Variants in DHX36 observed in about 807,000 individuals in gnomAD.
DHX36 encodes the protein ATP-dependent DNA/RNA helicase DHX36.
In DHX36, 50 loss-of-function variants were observed where a neutral mutation model predicts 139.0. The observed-to-expected ratio is 0.36, with a 90% confidence interval of 0.29 to 0.46. The LOEUF (loss-of-function observed/expected upper bound fraction) is 0.46, where lower values mean the gene tolerates loss of function less well. Ranked by LOEUF, DHX36 falls within the 20% of genes least tolerant of loss-of-function variation. DHX36 has a pLI of 1.00. For missense variants in DHX36, 1,024 were observed against 1,211.3 expected, an observed-to-expected ratio of 0.85 and a Z score of 2.29; for synonymous variants, 425 against 401.9, an observed-to-expected ratio of 1.06 and a Z score of -0.69.
intron 12 of DHX36, 104 bp downstream of exon 12, chr3:154,299,734 G>T (rs1173943144): frequency 4.9e-6 from 4 of 811,146 alleles, no homozygotes; most frequent in Non-Finnish European, 8.7e-6. Flanking sequence ...CTTCATCTGT[G>T]ACCTAGTAGA....
In DHX36 at chr3:154,277,737, T is replaced by C. The variant is rs200869923; in HGVS notation, c.2568-19A>G. 3.3e-3 allele frequency: 5,152 copies of C among 1,582,784 alleles called. 20 individuals carry two copies. The highest frequency in any genetic ancestry group is 3.9e-3 in the Non-Finnish European group (4,485 of 1,162,260). On this transcript the variant is annotated intron_variant, in intron 22 of 24. Coordinates refer to ENST00000496811, the MANE Select transcript of DHX36 (RefSeq NM_020865.3). Reference sequence around the variant, plus strand: ...TTTTACCCTTTAAAAAAAGTTAAAATGCAGTTTGTTAAAAAGAAGTCTTCT... The same window carrying C: ...TTTTACCCTTTAAAAAAAGTTAAAACGCAGTTTGTTAAAAAGAAGTCTTCT...
chr3:154,289,409 T>G (rs959671590), intron 16 of DHX36, among the ~76,000 whole-genome samples: 6 of 152,250 alleles, frequency 3.9e-5, no homozygotes, highest in Non-Finnish European at 5.9e-5. Flanking sequence ...TGCCAGGCAC[T>G]GTTCTAAGGA....
At chr3:154,321,904 G>A (rs1713199924) in intron 1 of DHX36, among the ~76,000 whole-genome samples, 2 of 141,588 alleles carry the variant, frequency 1.4e-5, no homozygotes, top group Non-Finnish European at 3.0e-5. Flanking sequence ...TCCAGACTGG[G>A]CAACAGAGTG....
At chr3:154,277,778 T>C in intron 22 of DHX36, 60 bp from the exon 23 acceptor site, 1 of 1,435,800 alleles carries the variant, frequency 7.0e-7, no homozygotes, top group Non-Finnish European at 9.3e-7. Flanking sequence ...ATTTTCTTTT[T>C]TTACACTACT....
At chr3:154,314,792 TCA>T in intron 3 of DHX36, 1 of 312,582 alleles carries the variant, frequency 3.2e-6, no homozygotes, top group African/African-American at 2.1e-5. Flanking sequence ...AGTTTTTTTT[TCA>T]TTGGCACTAG....
chr3:154,304,788 A>G lies in DHX36; in HGVS notation c.1135+18T>C. ...TTCTAGTACCTTTTCTAATGTAATA[A>G]CTATACATTTTACTCACCAAAATAT... is the stretch of plus-strand genomic sequence containing the variant. On this transcript the variant is annotated intron_variant, in intron 8 of 24. Transcript: ENST00000496811. 1 of 1,504,596 alleles carries G rather than the reference A, an allele frequency of 6.6e-7. No individual in the cohort carries two copies. The highest frequency in any genetic ancestry group is 8.9e-7 in the Non-Finnish European group (1 of 1,125,302). 93.2% of individuals were successfully genotyped at this position (1,504,596 alleles called of 1,614,324 possible).
In DHX36 at chr3:154,324,128, A is replaced by G. The variant is rs144870409; in HGVS notation, c.243+46T>C. ...AAAAGGGGGCAGCGGGAGAGAGAAG[A>G]AAACCTGTGCTGCCTCATCCTCTCC... is the stretch of plus-strand genomic sequence containing the variant. On this transcript the variant is annotated intron_variant, in intron 1 of 24. Coordinates refer to ENST00000496811, the MANE Select transcript of DHX36 (RefSeq NM_020865.3). The G allele has an allele frequency of 3.9e-6, 6 of 1,546,034 alleles. No homozygotes were observed. The East Asian group carries it at 1.4e-4, about 36-fold the overall frequency.
intron 16 of DHX36, 67 bp downstream of exon 16, chr3:154,289,642 G>A: frequency 1.1e-6 from 1 of 936,474 alleles, no homozygotes; most frequent in South Asian, 1.4e-5. Context: ...ACAGTACTTT[G>A]TTCTACAAAA....
chr3:154,281,886 A>AC (rs34799684), intron 20 of DHX36, among the ~76,000 whole-genome samples: 137,800 of 152,052 alleles, frequency 0.91, 62,669 homozygotes, highest in East Asian at 1. Flanking sequence ...TCTAATGTAT[A>AC]TACACCAGCT....
At chr3:154,318,737 G>T in intron 1 of DHX36, among the ~76,000 whole-genome samples, 1 of 151,994 alleles carries the variant, frequency 6.6e-6, no homozygotes, top group East Asian at 1.9e-4. Flanking sequence ...GTTAACAGTG[G>T]GTAGATCTTT....
At chr3:154,310,828 T>TAC in intron 4 of DHX36, among the ~76,000 whole-genome samples, 1 of 32,954 alleles carries the variant, frequency 3.0e-5, no homozygotes, top group African/African-American at 1.8e-4. Flanking sequence ...TATATATATA[T>TAC]ATATATATAT....
At position 154,316,112 on chromosome 3, in the gene DHX36, G is replaced by C. The variant is rs780565013; in HGVS notation, c.295C>G (p.Leu99Val). ...ERREEQIVQLLNSVQAKNDKE... is the reference protein window; with the variant it reads ...ERREEQIVQLVNSVQAKNDKE... ...TCATTCTTCGCTTGAACAGAATTCAGTAACTGTACAATTTGTTCTTCTCGT... is the reference window on the plus strand; with the variant it reads ...TCATTCTTCGCTTGAACAGAATTCACTAACTGTACAATTTGTTCTTCTCGT... Residue 99 changes from leucine to valine, a missense_variant, in exon 2 of 25, where the codon CTG becomes GTG. By Grantham distance (32) the Leu-to-Val change is conservative. This residue lies in a region of DHX36 where 293 missense variants were observed against 274.4 expected (regional missense o/e 1.07). Transcript: ENST00000496811. 6.2e-7 allele frequency: 1 copy of C among 1,613,280 alleles called. No homozygotes were observed. The highest frequency in any genetic ancestry group is 1.1e-5 in the South Asian group (1 of 91,018).
intron 15 of DHX36, among the ~76,000 whole-genome samples, chr3:154,292,010 G>A (rs1711841756): frequency 6.6e-6 from 1 of 152,176 alleles, no homozygotes; most frequent in Non-Finnish European, 1.5e-5. Context: ...AATCAGTACT[G>A]CTATAAAATT....
In DHX36 at chr3:154,273,684, T is replaced by C. The variant is rs956823430; in HGVS notation, c.*2487A>G. Reference sequence around the variant, plus strand: ...CAGCCAAGATAAAGGATTTGAGACATAACAGGTAACACACATTCCCAGGAT... The same window carrying C: ...CAGCCAAGATAAAGGATTTGAGACACAACAGGTAACACACATTCCCAGGAT... On this transcript the variant is annotated 3_prime_UTR_variant, in exon 25 of 25. Transcript: ENST00000496811. 1 of 152,212 alleles carries C rather than the reference T, an allele frequency of 6.6e-6. No homozygotes were observed. The highest frequency in any genetic ancestry group is 2.4e-5 in the African/African-American group (1 of 41,448). The allele number at this position is 152,212 out of a possible 1,614,324, so 9.4% of individuals were successfully genotyped here. A position where few individuals can be genotyped will look rare whatever the true frequency, so the allele number is the denominator to read the frequency against.
chr3:154,277,752 A>G, intron 22 of DHX36, 34 bp from the exon 23 acceptor site: 5 of 1,567,836 alleles, frequency 3.2e-6, no homozygotes, highest in Non-Finnish European at 4.3e-6. Context: ...TTTGTTAAAA[A>G]GAAGTCTTCT....
intron 1 of DHX36, among the ~76,000 whole-genome samples, chr3:154,323,754 G>A (rs1264164843): frequency 6.6e-6 from 1 of 152,102 alleles, no homozygotes; most frequent in Non-Finnish European, 1.5e-5. Flanking sequence ...CTTTTGTTCC[G>A]CGCAAACCTA....
chr3:154,283,382 C>G (rs1263129600), intron 19 of DHX36, 111 bp from the exon 20 acceptor site: 5 of 717,722 alleles, frequency 7.0e-6, no homozygotes, highest in Non-Finnish European at 1.2e-5. Context: ...ATTTAATTTT[C>G]TTTGTAAAAA....
rs749172236 is a variant in DHX36 at position 154,300,602 on chromosome 3, C to G, written c.1453G>C (p.Glu485Gln). The G allele has an allele frequency of 1.1e-5, 17 of 1,611,502 alleles. No homozygotes were observed. The highest frequency in any genetic ancestry group is 1.4e-5 in the Non-Finnish European group (17 of 1,178,972). The change falls in exon 11 of 25, where the codon GAA becomes CAA. Residue 485 changes from glutamate (E) to glutamine (Q), a missense_variant. Glu to Gln is a conservative substitution (Grantham distance 29). Coordinates refer to ENST00000496811, the MANE Select transcript of DHX36 (RefSeq NM_020865.3). ...AGAAAAATAAAACTAACCTCTTCTTCCAAAACAATGTATCGGATGAGGGCA... is the reference window on the plus strand; with the variant it reads ...AGAAAAATAAAACTAACCTCTTCTTGCAAAACAATGTATCGGATGAGGGCA... ...IVALIRYIVL[E>Q]EEDGAILVFL... is the part of the protein sequence containing the mutation.
At chr3:154,288,147 CAAAAAA>C (rs34632439) in intron 17 of DHX36, among the ~76,000 whole-genome samples, 3 of 53,348 alleles carry the variant, frequency 5.6e-5, no homozygotes, top group South Asian at 1.0e-3. Flanking sequence ...GACTCTGTCT[CAAAAAA>C]AAAAAAAAAA....
Sources: allele counts gnomAD v4.1 joint callset (sites outside exome capture counted in the v4.1 genomes callset), GRCh38; gene constraint gnomAD v4.1.1; regional missense constraint gnomAD v4.1.1; transcripts MANE v1.5; gene names NCBI Gene and HGNC (gene_info 2026-07-23, HGNC 2026-07-21).